The following RTL4 variants were observed in gnomAD, a reference collection of about 807,000 sequenced individuals.
RTL4 encodes retrotransposon Gag-like protein 4.
Under a neutral mutation model 5.3 loss-of-function variants are expected in RTL4, and 4 were observed. That is an observed-to-expected ratio of 0.75 (90% confidence interval 0.37 to 1.72). RTL4 has a LOEUF of 1.72. RTL4 is among the 40% of genes most tolerant of loss of function. RTL4 has a pLI of 0.04. For missense variants in RTL4, 260 were observed against 227.1 expected, an observed-to-expected ratio of 1.14 and a Z score of -0.93; for synonymous variants, 98 against 87.3, an observed-to-expected ratio of 1.12 and a Z score of -0.68.
chrX:112,305,443 A>G, the RTL4 span, among the ~76,000 whole-genome samples: 3 of 109,111 alleles, frequency 2.7e-5, no homozygotes, highest in Non-Finnish European at 5.7e-5. Context: ...GCTCACTGCA[A>G]GCTCCACCTC....
the RTL4 span, among the ~76,000 whole-genome samples, chrX:112,447,767 C>A: frequency 3.6e-4 from 40 of 111,891 alleles, no homozygotes; most frequent in East Asian, 0.011. Flanking sequence ...GTTGCTTCTG[C>A]CCCATACTCT....
At chrX:112,353,444 C>A in the RTL4 span, among the ~76,000 whole-genome samples, 1 of 111,310 alleles carries the variant, frequency 9.0e-6, no homozygotes. Flanking sequence ...AAATATCCAA[C>A]AACGATAGAC....
chrX:112,119,545 G>T, the RTL4 span, among the ~76,000 whole-genome samples: 4 of 111,536 alleles, frequency 3.6e-5, no homozygotes, highest in African/African-American at 1.3e-4. Context: ...GCTTGAATTG[G>T]AGTGGAAACA....
At chrX:112,283,571 C>T in the RTL4 span, among the ~76,000 whole-genome samples, 2 of 111,445 alleles carry the variant, frequency 1.8e-5, no homozygotes, top group Admixed American at 9.6e-5. Context: ...GATAAGAATA[C>T]GGCTGCTGAG....
At chrX:112,408,614 G>A in the RTL4 span, among the ~76,000 whole-genome samples, 1 of 111,823 alleles carries the variant, frequency 8.9e-6, no homozygotes, top group Non-Finnish European at 1.9e-5. Context: ...GATAATATCA[G>A]AGGCATTCCC....
the RTL4 span, among the ~76,000 whole-genome samples, chrX:112,225,952 T>C: frequency 2.3e-4 from 26 of 111,914 alleles, no homozygotes; most frequent in Admixed American, 4.8e-4. Context: ...CCTATTTCCA[T>C]GGTGTAAATA....
At chrX:112,404,364 G>A in the RTL4 span, among the ~76,000 whole-genome samples, 1 of 112,104 alleles carries the variant, frequency 8.9e-6, no homozygotes, top group African/African-American at 3.2e-5. Context: ...TCAGTGTACA[G>A]TTTTCTTTTC....
At chrX:112,297,137 G>T in the RTL4 span, among the ~76,000 whole-genome samples, 38 of 110,588 alleles carry the variant, frequency 3.4e-4, no homozygotes, top group African/African-American at 1.2e-3. Context: ...TGCCTTAGAG[G>T]TTCAACCTGT....
chrX:112,455,129 A>C (rs1424087909), exon 1 of RTL4: 6 of 1,211,948 alleles, frequency 5.0e-6, no homozygotes, highest in Non-Finnish European at 6.7e-6. Flanking sequence ...GAGTTCCAGC[A>C]GTCATTTGGT....
At chrX:112,248,519 G>A in the RTL4 span, among the ~76,000 whole-genome samples, 21 of 111,969 alleles carry the variant, frequency 1.9e-4, no homozygotes, top group Non-Finnish European at 1.5e-4. Context: ...CTTTCAATTC[G>A]CCATTCTGCA....
At chrX:112,093,414 T>A in the RTL4 span, among the ~76,000 whole-genome samples, 11 of 111,763 alleles carry the variant, frequency 9.8e-5, 1 homozygote, top group South Asian at 4.1e-3. Flanking sequence ...GAACTTCTCA[T>A]GTCATGTAAG....
At chrX:112,357,766 T>G in the RTL4 span, among the ~76,000 whole-genome samples, 1 of 111,959 alleles carries the variant, frequency 8.9e-6, no homozygotes, top group Non-Finnish European at 1.9e-5. Context: ...TGGCTACTAA[T>G]GTCATGGCTA....
chrX:112,301,360 G>C, the RTL4 span, among the ~76,000 whole-genome samples: 1 of 112,184 alleles, frequency 8.9e-6, no homozygotes, highest in African/African-American at 3.2e-5. Context: ...TTCCTCATCA[G>C]GTTGTTTAAA....
chrX:112,094,452 C>T, the RTL4 span, among the ~76,000 whole-genome samples: 2 of 110,139 alleles, frequency 1.8e-5, no homozygotes, highest in African/African-American at 6.6e-5. Flanking sequence ...GAGAGTTGGT[C>T]GTATAAGTCT....
At chrX:112,117,704 AT>A in the RTL4 span, among the ~76,000 whole-genome samples, 2 of 111,718 alleles carry the variant, frequency 1.8e-5, no homozygotes, top group Non-Finnish European at 3.8e-5. Flanking sequence ...GAATGGGGAA[AT>A]GGGCACGTGT....
chrX:112,227,592 GTTC>G, the RTL4 span, among the ~76,000 whole-genome samples: 2 of 111,814 alleles, frequency 1.8e-5, no homozygotes, highest in Non-Finnish European at 3.8e-5. Flanking sequence ...TTTCCAGAAT[GTTC>G]TTCTTTAAGC....
the RTL4 span, among the ~76,000 whole-genome samples, chrX:112,142,874 G>A: frequency 5.4e-5 from 6 of 111,127 alleles, no homozygotes; most frequent in East Asian, 1.7e-3. Flanking sequence ...TGTCACCCAG[G>A]CTAGAGTGCA....
rs1602583685 is a variant in RTL4 at position 112,456,492 on chromosome X, G to C, written c.*831G>C. 3.3e-5 allele frequency: 10 copies of C among 303,316 alleles called. No homozygotes were observed. In the South Asian group the frequency reaches 2.1e-3, roughly 65 times the overall value. 25.0% of individuals were successfully genotyped at this position (303,316 alleles called of 1,213,427 possible). A position where few individuals can be genotyped will look rare whatever the true frequency, so the allele number is the denominator to read the frequency against. On this transcript the variant is annotated 3_prime_UTR_variant, in exon 1 of 1. Transcript: ENST00000340433. ...ACTTGAGGTTCCAGCATGTCTTATA[G>C]CCAAGTCAATATGCTCTAGGATAAG...
the RTL4 span, among the ~76,000 whole-genome samples, chrX:112,247,381 C>T: frequency 8.9e-6 from 1 of 111,902 alleles, no homozygotes; most frequent in Middle Eastern, 4.6e-3. Flanking sequence ...AGACATTACC[C>T]ATGAATGGAA....
Sources: gnomAD v4.1 joint callset for allele counts (sites outside exome capture counted in the v4.1 genomes callset) on GRCh38, gnomAD v4.1.1 for gene constraint, MANE v1.5 for transcripts, NCBI Gene and HGNC (gene_info 2026-07-23, HGNC 2026-07-21) for gene names.